PHLDA1: variants seen among roughly 807,000 people sequenced by gnomAD.
PHLDA1 encodes pleckstrin homology like domain family A member 1, also known as pleckstrin homology-like domain family A member 1.
A neutral mutation model predicts 33.8 loss-of-function variants in PHLDA1; 28 were observed. That is an observed-to-expected ratio of 0.83 (90% CI 0.61 to 1.14). The LOEUF is 1.14. Among genes scored for constraint, PHLDA1 ranks in the 50% most tolerant of loss-of-function variants. The pLI is 0.00. For synonymous variants in PHLDA1, 271 were observed against 243.6 expected (o/e 1.11, Z -1.05); for missense variants, 595 against 548.6 (o/e 1.08, Z -0.84).
Position 76,031,705 on chromosome 12 carries a change from G to C in PHLDA1, c.37C>G (p.Leu13Val), listed in dbSNP as rs1870918125. The stretch of plus-strand genomic sequence containing the variant: ...CGCCCGCACCGCGGGGGAAAGCCCA[G>C]CTCCAAGAGGCGCTCGGCAGCCGGC... The change falls in exon 1 of 2, where the codon CTG (leucine) becomes GTG (valine). Residue 13 changes from leucine to valine, a missense_variant. Leu to Val is a conservative substitution (Grantham distance 32). Transcript: ENST00000266671. This position sits in a 1 kb window ranked among gnomAD's most constrained non-coding sequence, Gnocchi z 5.4. The C allele has an allele frequency of 1.4e-6, 2 of 1,415,100 alleles. No homozygotes were observed. The highest frequency in any genetic ancestry group is 1.6e-5 in the South Asian group (1 of 64,376). 87.7% of individuals were successfully genotyped at this position (1,415,100 alleles called of 1,614,324 possible).
chr12:76,031,352 G>C lies in PHLDA1; in HGVS notation c.390C>G (p.Ala130=), dbSNP rs1357886116. ...CATAAGAGGGGCCGCCGCTTGGCTCGGCCTCTCCGTTTCCAGCCGCGCGGG... is the reference window on the plus strand; with the variant it reads ...CATAAGAGGGGCCGCCGCTTGGCTCCGCCTCTCCGTTTCCAGCCGCGCGGG... The change falls in exon 1 of 2, where the codon GCC becomes GCG. Residue 130 remains alanine (A), a synonymous_variant. Transcript: ENST00000266671. This position sits in a 1 kb window ranked among gnomAD's most constrained non-coding sequence, Gnocchi z 5.4. The C allele has an allele frequency of 2.5e-6, 4 of 1,611,332 alleles. No individual in the cohort carries two copies. Among genetic ancestry groups the C allele is most frequent in the East Asian group, 2.2e-5 (1 of 44,800 alleles).
exon 2 of PHLDA1, chr12:76,026,993 G>A (rs1870787863): frequency 6.6e-6 from 1 of 152,198 alleles, no homozygotes; most frequent in South Asian, 2.1e-4. Context: ...CTGTGTATGA[G>A]GCTTGGTGCC....
chr12:76,025,605 CATG>C (rs1870760262), exon 2 of PHLDA1: 1 of 152,208 alleles, frequency 6.6e-6, no homozygotes, highest in African/African-American at 2.4e-5. Context: ...GCATTTGGTA[CATG>C]ATGATACTTG....
chr12:76,030,585 G>A (rs1870869383), exon 1 of PHLDA1: 1 of 1,612,902 alleles, frequency 6.2e-7, no homozygotes. Flanking sequence ...GTGCGGCTGC[G>A]AGTGCGGCTG....
exon 1 of PHLDA1, chr12:76,030,885 C>T (rs765589776): frequency 1.2e-6 from 2 of 1,612,434 alleles, no homozygotes; most frequent in South Asian, 1.1e-5. Context: ...GATGGCCTGA[C>T]GATTCTTGTA....
In PHLDA1 at chr12:76,030,781, G is replaced by A. The variant is rs1349687066; in HGVS notation, c.961C>T (p.Pro321Ser). Reference sequence around the variant, plus strand: ...GGTTGCGGCTGAGGCTGAGGCTGGGGTTGGGGCTGGAGCTGCGGCTGCGGC... The same window carrying A: ...GGTTGCGGCTGAGGCTGAGGCTGGGATTGGGGCTGGAGCTGCGGCTGCGGC... The change falls in exon 1 of 2, where the codon CCC (proline) becomes TCC (serine). Residue 321 changes from proline (P) to serine (S), a missense_variant. Transcript: ENST00000266671. 12 of 1,451,374 alleles carry A rather than the reference G, an allele frequency of 8.3e-6. No homozygotes were observed. Among genetic ancestry groups the A allele is most frequent in the Non-Finnish European group, 1.1e-5 (12 of 1,056,026 alleles). The allele number at this position is 1,451,374 out of a possible 1,614,324, so 89.9% of individuals were successfully genotyped here.
rs1211988841 is a variant in PHLDA1, at chr12:76,031,490, CTCTG to C, written c.248_251del (p.Pro83ArgfsTer68). 1.3e-6 allele frequency: 2 copies of C among 1,518,256 alleles called. No individual in the cohort carries two copies. Among genetic ancestry groups the C allele is most frequent in the Admixed American group, 4.3e-5 (2 of 46,032 alleles). The allele number at this position is 1,518,256 out of a possible 1,614,324, so 94.0% of individuals were successfully genotyped here. ...GCAGGAGGCAGAGCGGCGGCGGCGG[CTCTG>C]GGTCCCGGCAGAGGGACAGCCGCGT... On this transcript the variant is annotated frameshift_variant, in exon 1 of 2. Transcript: ENST00000266671. LOFTEE classifies it high-confidence loss of function. This position sits in a 1 kb window ranked among gnomAD's most constrained non-coding sequence, Gnocchi z 5.4.
chr12:76,026,291 G>T (rs921155985), exon 2 of PHLDA1: 1 of 152,192 alleles, frequency 6.6e-6, no homozygotes, highest in Non-Finnish European at 1.5e-5. Flanking sequence ...ATTGCTCCAG[G>T]TTCAAGTCTT....
rs138210127 is a variant in PHLDA1, at chr12:76,030,621, G to T, written c.1121C>A (p.Pro374Gln). 4 of 1,559,540 alleles carry T rather than the reference G, an allele frequency of 2.6e-6. No homozygotes were observed. The African/African-American group carries it at 5.4e-5, about 21-fold the overall frequency. ...TGGGTGTGGGTGCGGTATTTGGTGCGGATGCGGGTGCGGGTGAGGGTGTGG... is the reference window on the plus strand; with the variant it reads ...TGGGTGTGGGTGCGGTATTTGGTGCTGATGCGGGTGCGGGTGAGGGTGTGG... Residue 374 changes from proline to glutamine, a missense_variant, in exon 1 of 2, where the codon CCG becomes CAG. Transcript: ENST00000266671.
chr12:76,028,010 A>G (rs1870813977), exon 2 of PHLDA1: 1 of 151,996 alleles, frequency 6.6e-6, no homozygotes, highest in Admixed American at 6.5e-5. Context: ...TTAAAAAAAA[A>G]TCCTCCATTG....
rs1193372003 is a variant in PHLDA1, at chr12:76,031,103, G to C, written c.639C>G (p.Ser213=). Residue 213 remains serine (S), a synonymous_variant, in exon 1 of 2, where the codon TCC becomes TCG. Coordinates refer to ENST00000266671, the Ensembl canonical transcript of PHLDA1. The surrounding 1 kb of genome is among the most constrained non-coding windows in gnomAD (Gnocchi z 5.4). ...TGGCGACAGCGGGGCCACTGGGTTG[G>C]GACGGCTCGGCCGGCCCCTGCCCGG... The C allele has an allele frequency of 6.2e-7, 1 of 1,609,904 alleles. No individual in the cohort carries two copies. Among genetic ancestry groups the C allele is most frequent in the Admixed American group, 1.7e-5 (1 of 60,012 alleles).
At chr12:76,030,930 C>T (rs757049588) in exon 1 of PHLDA1, 2 of 1,614,012 alleles carry the variant, frequency 1.2e-6, no homozygotes, top group Middle Eastern at 1.6e-4. Context: ...GGCGTTCCAG[C>T]CCTGGTCTTG....
exon 1 of PHLDA1, chr12:76,030,517 T>C: frequency 1.2e-6 from 2 of 1,610,078 alleles, no homozygotes; most frequent in Non-Finnish European, 1.7e-6. Context: ...TACCTTGTCT[T>C]GCCCGGGAGC....
exon 1 of PHLDA1, chr12:76,030,947 C>T (rs1479880800): frequency 6.2e-7 from 1 of 1,614,052 alleles, no homozygotes; most frequent in African/African-American, 1.3e-5. Flanking sequence ...CTTGCGGGCA[C>T]CGAAAGTCGA....
chr12:76,029,718 G>A (rs1469851810), exon 2 of PHLDA1: 1 of 152,422 alleles, frequency 6.6e-6, no homozygotes, highest in Non-Finnish European at 1.5e-5. Context: ...TACGGATTAG[G>A]TTTTTGAAAA....
exon 2 of PHLDA1, chr12:76,026,154 T>A (rs1048720055): frequency 6.6e-6 from 1 of 152,204 alleles, no homozygotes; most frequent in East Asian, 1.9e-4. Context: ...AGATCTATAA[T>A]TTTCACGTTT....
chr12:76,025,767 C>T (rs553916598), exon 2 of PHLDA1: 2 of 152,262 alleles, frequency 1.3e-5, no homozygotes, highest in Middle Eastern at 3.2e-3. Flanking sequence ...CACTGCTCAG[C>T]CTGCCATCAG....
Position 76,031,256 on chromosome 12 carries a change from C to A in PHLDA1, c.486G>T (p.Gly162=). The change falls in exon 1 of 2, where the codon GGG becomes GGT. Residue 162 remains glycine (G), a synonymous_variant. Coordinates refer to ENST00000266671, the Ensembl canonical transcript of PHLDA1. The surrounding 1 kb of genome is among the most constrained non-coding windows in gnomAD (Gnocchi z 5.4). ...ACTTTTTCTTCCAGAGCTGCAACAA[C>A]CCGTCGCTGCGCTTCTCCAGCACGC... 6.2e-7 allele frequency: 1 copy of A among 1,613,898 alleles called. No homozygotes were observed. Among genetic ancestry groups the A allele is most frequent in the Non-Finnish European group, 8.5e-7 (1 of 1,179,922 alleles).
Position 76,031,170 on chromosome 12 carries a change from T to A in PHLDA1, c.572A>T (p.Gln191Leu), listed in dbSNP as rs1870899365. Residue 191 changes from glutamine to leucine, a missense_variant, in exon 1 of 2, where the codon CAG becomes CTG. Gln to Leu is a moderately radical substitution (Grantham distance 113). Coordinates refer to ENST00000266671, the Ensembl canonical transcript of PHLDA1. This position sits in a 1 kb window ranked among gnomAD's most constrained non-coding sequence, Gnocchi z 5.4. ...CTGCTGCTGCTGTTGCTGCTGCTGC[T>A]GCTGGTGTTGCAGCTGCTTGGGCGG... 3 of 1,612,138 alleles carry A rather than the reference T, an allele frequency of 1.9e-6. No individual in the cohort carries two copies. Among genetic ancestry groups the A allele is most frequent in the African/African-American group, 1.3e-5 (1 of 74,904 alleles).
Sources: allele counts gnomAD v4.1 joint callset, GRCh38; gene constraint gnomAD v4.1.1; non-coding constraint Gnocchi (gnomAD v3.1); transcripts MANE v1.5; gene names NCBI Gene and HGNC (gene_info 2026-07-23, HGNC 2026-07-21).